PTCSC3: variants seen among roughly 807,000 people sequenced by gnomAD.
PTCSC3 encodes papillary thyroid carcinoma susceptibility candidate 3 (non-protein coding).
chr14:36,162,344 A>G (rs1284247443), intron 2 of PTCSC3, among the ~76,000 whole-genome samples: 1 of 150,952 alleles, frequency 6.6e-6, no homozygotes, highest in African/African-American at 2.5e-5. Context: ...CTTGAAACCT[A>G]GGTCCCTTGT....
At chr14:36,148,803 G>A (rs978103415) in intron 3 of PTCSC3, among the ~76,000 whole-genome samples, 1 of 152,108 alleles carries the variant, frequency 6.6e-6, no homozygotes, top group Non-Finnish European at 1.5e-5. Context: ...TTATCACGTT[G>A]TGGGCATAGA....
At chr14:36,174,092 G>A (rs1882238875) in intron 1 of PTCSC3, among the ~76,000 whole-genome samples, 1 of 151,958 alleles carries the variant, frequency 6.6e-6, no homozygotes, top group African/African-American at 2.4e-5. Context: ...GTCCCGTGTG[G>A]GTTCGTTGAA....
chr14:36,159,639 T>G (rs1207125473), intron 2 of PTCSC3, among the ~76,000 whole-genome samples: 1 of 152,232 alleles, frequency 6.6e-6, no homozygotes, highest in Non-Finnish European at 1.5e-5. Flanking sequence ...CTTTTGCATT[T>G]GCTGAGGAGT....
At chr14:36,147,020 A>G (rs1217723293) in intron 3 of PTCSC3, among the ~76,000 whole-genome samples, 15 of 151,908 alleles carry the variant, frequency 9.9e-5, no homozygotes, top group African/African-American at 3.1e-4. Context: ...TAGAGTTTCT[A>G]CTGAGAGATC....
intron 1 of PTCSC3, among the ~76,000 whole-genome samples, chr14:36,169,734 G>A (rs1339535255): frequency 1.3e-5 from 2 of 152,122 alleles, no homozygotes; most frequent in Admixed American, 6.5e-5. Flanking sequence ...GAGAGGAAAA[G>A]CAGCTGGTAG....
At chr14:36,163,079 T>C (rs1882003711) in intron 1 of PTCSC3, among the ~76,000 whole-genome samples, 1 of 132,994 alleles carries the variant, frequency 7.5e-6, no homozygotes, top group South Asian at 2.6e-4. Flanking sequence ...GGTTCTGTTA[T>C]ATAAATTAAG....
At chr14:36,165,722 C>CTTTTTTTTTTT (rs71448056) in intron 1 of PTCSC3, among the ~76,000 whole-genome samples, 1 of 124,820 alleles carries the variant, frequency 8.0e-6, no homozygotes. Context: ...TTTATTTTTC[C>CTTTTTTTTTTT]TTTTTTTTTT....
intron 2 of PTCSC3, among the ~76,000 whole-genome samples, chr14:36,160,023 T>A (rs1342991183): frequency 6.6e-6 from 1 of 152,218 alleles, no homozygotes; most frequent in African/African-American, 2.4e-5. Flanking sequence ...TAAAGTCTGT[T>A]TTATCAGAGA....
chr14:36,159,385 G>A (rs1881903388), intron 2 of PTCSC3, among the ~76,000 whole-genome samples: 1 of 152,140 alleles, frequency 6.6e-6, no homozygotes, highest in South Asian at 2.1e-4. Flanking sequence ...TGGGCATTTA[G>A]TGCTATAAAT....
At chr14:36,174,885 C>T (rs1302389557) in intron 1 of PTCSC3, among the ~76,000 whole-genome samples, 1 of 152,190 alleles carries the variant, frequency 6.6e-6, no homozygotes, top group Non-Finnish European at 1.5e-5. Flanking sequence ...ATAAATCTCT[C>T]CTCTCTGGCA....
At chr14:36,138,183 A>AG (rs1211113977) in intron 3 of PTCSC3, among the ~76,000 whole-genome samples, 2 of 151,726 alleles carry the variant, frequency 1.3e-5, no homozygotes, top group Non-Finnish European at 2.9e-5. Context: ...ATGTGGGGGA[A>AG]AAATGAATCT....
intron 1 of PTCSC3, among the ~76,000 whole-genome samples, chr14:36,171,639 G>C (rs541171381): frequency 1.3e-5 from 2 of 152,062 alleles, no homozygotes; most frequent in Non-Finnish European, 2.9e-5. Context: ...TACAGTATTT[G>C]TAAATTTAAC....
intron 1 of PTCSC3, among the ~76,000 whole-genome samples, chr14:36,174,819 T>A (rs1474702380): frequency 6.6e-6 from 1 of 152,206 alleles, no homozygotes; most frequent in Non-Finnish European, 1.5e-5. Flanking sequence ...TTAATCCTAA[T>A]ATGTGCACTT....
At chr14:36,141,435 A>T (rs568824895) in intron 3 of PTCSC3, among the ~76,000 whole-genome samples, 2 of 152,072 alleles carry the variant, frequency 1.3e-5, no homozygotes, top group South Asian at 2.1e-4. Flanking sequence ...TTCCTCATAT[A>T]TATTTTGTCA....
At chr14:36,154,076 A>AC (rs1881779190) in intron 2 of PTCSC3, among the ~76,000 whole-genome samples, 1 of 151,830 alleles carries the variant, frequency 6.6e-6, no homozygotes, top group Non-Finnish European at 1.5e-5. Flanking sequence ...CGAAAAAAAA[A>AC]AAAACTACTG....
intron 1 of PTCSC3, among the ~76,000 whole-genome samples, chr14:36,176,027 G>C (rs1381982780): frequency 6.6e-6 from 1 of 152,168 alleles, no homozygotes; most frequent in African/African-American, 2.4e-5. Flanking sequence ...ATAGCAGTTT[G>C]GGAGTGTCAA....
At chr14:36,144,045 T>C (rs1881494701) in intron 3 of PTCSC3, among the ~76,000 whole-genome samples, 1 of 152,138 alleles carries the variant, frequency 6.6e-6, no homozygotes, top group Admixed American at 6.5e-5. Context: ...AGTACCATGC[T>C]GTTTTGGTTA....
chr14:36,173,301 C>T (rs1882221155), intron 1 of PTCSC3, among the ~76,000 whole-genome samples: 1 of 151,990 alleles, frequency 6.6e-6, no homozygotes, highest in Admixed American at 6.6e-5. Context: ...TAAAACTCTA[C>T]ACATATTAGA....
At chr14:36,139,993 C>G (rs1031284883) in intron 3 of PTCSC3, among the ~76,000 whole-genome samples, 2 of 152,204 alleles carry the variant, frequency 1.3e-5, no homozygotes, top group Admixed American at 1.3e-4. Flanking sequence ...TCCATCCCTT[C>G]CATCACCCTC....
Sources: gnomAD v4.1 joint callset for allele counts (sites outside exome capture counted in the v4.1 genomes callset) on GRCh38, gnomAD v4.1.1 for gene constraint, MANE v1.5 for transcripts, NCBI Gene and HGNC (gene_info 2026-07-23, HGNC 2026-07-21) for gene names.